PHC2: variants seen among roughly 807,000 people sequenced by gnomAD.
PHC2 encodes polyhomeotic homolog 2, also known as polyhomeotic-like protein 2.
PHC2 carries 29 observed loss-of-function variants against 87.4 expected under a neutral mutation model. The ratio of observed to expected loss-of-function variants is 0.33; its 90% confidence interval spans 0.25 to 0.45. The LOEUF (loss-of-function observed/expected upper bound fraction) is 0.45, where lower values mean the gene tolerates loss of function less well. Among genes scored for constraint, PHC2 ranks in the 20% least tolerant of loss-of-function variants. PHC2 has a pLI of 1.00. For synonymous variants in PHC2, 438 were observed against 461.7 expected (o/e 0.95, Z 0.66); for missense variants, 857 against 1,136.7 (o/e 0.75, Z 3.54).
chr1:33,422,172 T>C (rs970579783), intron 1 of PHC2, among the ~76,000 whole-genome samples: 1 of 152,182 alleles, frequency 6.6e-6, no homozygotes, highest in Admixed American at 6.5e-5. Flanking sequence ...TCTTACCCTG[T>C]CACTTTCTCC....
intron 2 of PHC2, among the ~76,000 whole-genome samples, chr1:33,372,889 G>A (rs1394632616): frequency 6.6e-6 from 1 of 152,202 alleles, no homozygotes; most frequent in African/African-American, 2.4e-5. Context: ...GGGGGTGGAG[G>A]GAAGAGCCAA....
intron 1 of PHC2, among the ~76,000 whole-genome samples, chr1:33,379,073 T>G (rs959990189): frequency 4.0e-5 from 6 of 151,736 alleles, no homozygotes; most frequent in Admixed American, 6.6e-5. Flanking sequence ...TGTTAAGAAA[T>G]AAGACAAAAG....
rs139630189 is a variant in PHC2, at chr1:33,415,309, C to T, written c.-55+15667G>A. Among the ~76,000 whole-genome samples the T allele has an allele frequency of 4.9e-3, 753 of 152,204 alleles. 3 individuals are homozygous for T. Among genetic ancestry groups the T allele is most frequent in the African/African-American group, 0.017 (720 of 41,506 alleles). On this transcript the variant is annotated intron_variant, in intron 1 of 14. Coordinates refer to ENST00000683057, the MANE Select transcript of PHC2 (RefSeq NM_001385109.1). ...TGGAAGGGAGCAGGCAGAACCATTC[C>T]CAGAGTTCTTACAGGGCTGTAAATA...
chr1:33,335,907 G>A (rs1429128390), intron 9 of PHC2, among the ~76,000 whole-genome samples: 3 of 142,234 alleles, frequency 2.1e-5, no homozygotes, highest in African/African-American at 4.9e-5. Context: ...CTTGGGGGGG[G>A]AGGGGGGGAA....
At chr1:33,385,420 G>T (rs1432230007) in intron 1 of PHC2, among the ~76,000 whole-genome samples, 1 of 152,172 alleles carries the variant, frequency 6.6e-6, no homozygotes, top group Non-Finnish European at 1.5e-5. Context: ...CCAGGGCAGG[G>T]TTTACATACA....
intron 1 of PHC2, among the ~76,000 whole-genome samples, chr1:33,411,871 A>C (rs1350807017): frequency 1.3e-5 from 2 of 152,166 alleles, no homozygotes; most frequent in Non-Finnish European, 2.9e-5. Flanking sequence ...GATCATCTTT[A>C]TAGACAAAGG....
At chr1:33,387,605 T>C (rs930850425) in intron 1 of PHC2, among the ~76,000 whole-genome samples, 4 of 152,200 alleles carry the variant, frequency 2.6e-5, no homozygotes, top group African/African-American at 9.7e-5. Flanking sequence ...CACCCTCTGG[T>C]ACAGACACTA....
intron 9 of PHC2, among the ~76,000 whole-genome samples, chr1:33,352,822 C>CA (rs1553185277): frequency 6.6e-6 from 1 of 152,180 alleles, no homozygotes; most frequent in Non-Finnish European, 1.5e-5. Context: ...CCGTAGGAGT[C>CA]AGAGTCATGG....
Position 33,349,969 on chromosome 1 carries a change from C to G in PHC2, c.1558+4432G>C. ...GGCGAGGGAGCGGGGCGGGGAGGGGCGGGGCCGCGGGAGGGGCGGGGCGGA... is the reference window on the plus strand; with the variant it reads ...GGCGAGGGAGCGGGGCGGGGAGGGGGGGGGCCGCGGGAGGGGCGGGGCGGA... On this transcript the variant is annotated intron_variant, in intron 9 of 14. Coordinates refer to ENST00000683057, the MANE Select transcript of PHC2 (RefSeq NM_001385109.1). The surrounding 1 kb of genome is among the most constrained non-coding windows in gnomAD (Gnocchi z 4.2). 2.7e-4 allele frequency: 35 copies of G among 131,122 alleles called. No homozygotes were observed. The highest frequency in any genetic ancestry group is 8.2e-4 in the South Asian group (3 of 3,640). The allele number at this position is 131,122 out of a possible 1,614,324, so 8.1% of individuals were successfully genotyped here.
At chr1:33,429,557 G>C (rs1650815646) in intron 1 of PHC2, among the ~76,000 whole-genome samples, 1 of 152,234 alleles carries the variant, frequency 6.6e-6, no homozygotes, top group Non-Finnish European at 1.5e-5. Flanking sequence ...CTCTCAGACA[G>C]CTAATTGTTC....
At chr1:33,424,095 C>T (rs968091923) in intron 1 of PHC2, among the ~76,000 whole-genome samples, 3 of 98,140 alleles carry the variant, frequency 3.1e-5, no homozygotes, top group Non-Finnish European at 6.7e-5. Flanking sequence ...GAGACTCCGT[C>T]TCAAAAAAAA....
rs201259039 is a variant in PHC2 at position 33,330,173 on chromosome 1, G to T, written c.2046C>A (p.His682Gln). 6.2e-7 allele frequency: 1 copy of T among 1,614,086 alleles called. No homozygotes were observed. The highest frequency in any genetic ancestry group is 1.3e-5 in the African/African-American group (1 of 74,946). Reference protein sequence around the residue: ...VGCTKRVGLFHSDRSKLQKAG... With the variant: ...VGCTKRVGLFQSDRSKLQKAG... ...CCTTCTGCAGCTTGCTCCGGTCTGAGTGGAAAAGTCCCACCCGTTTGGTGC... is the reference window on the plus strand; with the variant it reads ...CCTTCTGCAGCTTGCTCCGGTCTGATTGGAAAAGTCCCACCCGTTTGGTGC... The change falls in exon 13 of 15, where the codon CAC becomes CAA. Residue 682 changes from histidine (H) to glutamine (Q), a missense_variant. Transcript: ENST00000683057.
chr1:33,355,619 C>G (rs1214369168), intron 7 of PHC2, among the ~76,000 whole-genome samples: 3 of 152,252 alleles, frequency 2.0e-5, no homozygotes, highest in African/African-American at 7.2e-5. Context: ...CCATGCCCTT[C>G]ACCTGCTGTT....
intron 14 of PHC2, chr1:33,326,457 G>A (rs1646373160): frequency 6.6e-6 from 1 of 152,632 alleles, no homozygotes; most frequent in African/African-American, 2.4e-5. Flanking sequence ...ATGCCTCGCA[G>A]ATCCTCTTTT....
At chr1:33,401,971 A>C (rs1306365660) in intron 1 of PHC2, among the ~76,000 whole-genome samples, 3 of 152,208 alleles carry the variant, frequency 2.0e-5, no homozygotes, top group Non-Finnish European at 4.4e-5. Context: ...GAAAAGACTG[A>C]TACATTTGAC....
rs765854109 is a variant in PHC2, at chr1:33,354,943, A to G, written c.1287T>C (p.Asp429=). 6.2e-7 allele frequency: 1 copy of G among 1,614,188 alleles called. No individual in the cohort carries two copies. Among genetic ancestry groups the G allele is most frequent in the East Asian group, 2.2e-5 (1 of 44,878 alleles). Residue 429 remains aspartate (D), a synonymous_variant, in exon 8 of 15, where the codon GAT becomes GAC. Transcript: ENST00000683057. ...GSQQCHPPTP[D]TGPQNGHPEG... ...CGGGATGTCCATTCTGAGGCCCAGT[A>G]TCAGGTGTGGGAGGGTGACACTGCT...
intron 1 of PHC2, among the ~76,000 whole-genome samples, chr1:33,406,319 G>T (rs772252518): frequency 2.0e-5 from 3 of 151,854 alleles, no homozygotes; most frequent in African/African-American, 7.3e-5. Flanking sequence ...CTTACTTTTG[G>T]TATATATTTT....
chr1:33,357,572 A>G (rs1647114600), intron 7 of PHC2, among the ~76,000 whole-genome samples: 1 of 152,204 alleles, frequency 6.6e-6, no homozygotes, highest in Non-Finnish European at 1.5e-5. Flanking sequence ...CACCAGTGTG[A>G]TGTTGAGGGA....
intron 9 of PHC2, among the ~76,000 whole-genome samples, chr1:33,344,519 T>A (rs1426603618): frequency 6.6e-6 from 1 of 152,260 alleles, no homozygotes; most frequent in Non-Finnish European, 1.5e-5. Flanking sequence ...AAGCTTCCAG[T>A]CAACCCTATT....
Sources: allele counts gnomAD v4.1 joint callset (sites outside exome capture counted in the v4.1 genomes callset), GRCh38; gene constraint gnomAD v4.1.1; non-coding constraint Gnocchi (gnomAD v3.1); transcripts MANE v1.5; gene names NCBI Gene and HGNC (gene_info 2026-07-23, HGNC 2026-07-21).